Variants in MAP7D2 observed in about 807,000 individuals in gnomAD.
The protein encoded by MAP7D2 is MAP7 domain containing 2, also known as MAP7 domain-containing protein 2.
Under a neutral mutation model 63.5 loss-of-function variants are expected in MAP7D2, and 33 were observed. That is an observed-to-expected ratio of 0.52 (90% CI 0.39 to 0.70). The LOEUF (loss-of-function observed/expected upper bound fraction) is 0.70. Ranked by LOEUF, MAP7D2 falls within the 30% of genes least tolerant of loss-of-function variation. The pLI, the probability that MAP7D2 is intolerant of heterozygous loss-of-function variation, is 0.00. For synonymous variants in MAP7D2, 224 were observed against 223.7 expected (o/e 1.00, Z -0.01); for missense variants, 626 against 604.0 (o/e 1.04, Z -0.38).
At chrX:20,064,937 A>T (rs2065313757) in intron 1 of MAP7D2, 132 bp from the exon 2 acceptor site, 2 of 508,918 alleles carry the variant, frequency 3.9e-6, no homozygotes, top group African/African-American at 4.7e-5. Flanking sequence ...ACTTCAACCA[A>T]AGGAAGTCCA....
At chrX:20,111,175 G>C (rs1174385437) in intron 1 of MAP7D2, among the ~76,000 whole-genome samples, 1 of 111,365 alleles carries the variant, frequency 9.0e-6, no homozygotes, top group African/African-American at 3.3e-5. Context: ...CCAGCATGAG[G>C]GACTCCAGGT....
intron 1 of MAP7D2, 185 bp downstream of exon 1, chrX:20,116,563 GCA>G (rs2066899884): frequency 4.6e-5 from 43 of 938,796 alleles, no homozygotes; most frequent in Non-Finnish European, 5.6e-5. Flanking sequence ...CCCGCCACTC[GCA>G]CAGAGAGGGG....
At position 20,105,512 on chromosome X, in the gene MAP7D2, T is replaced by C. The variant is rs142348882; in HGVS notation, c.130+11238A>G. The stretch of plus-strand genomic sequence containing the variant: ...CTCTTTCACATCAAACCTAGAAAGA[T>C]GGAGGCAGAACCAGCCCAGATACAC... On this transcript the variant is annotated intron_variant, in intron 1 of 16. Coordinates refer to ENST00000379643, the MANE Select transcript of MAP7D2 (RefSeq NM_001168465.2). 4.8e-3 allele frequency among the ~76,000 whole-genome samples: 539 copies of C among 111,968 alleles called. 3 individuals carry two copies. The highest frequency in any genetic ancestry group is 0.017 in the African/African-American group (526 of 30,827).
At chrX:20,060,334 T>C (rs774555531) in intron 3 of MAP7D2, among the ~76,000 whole-genome samples, 38 of 108,823 alleles carry the variant, frequency 3.5e-4, no homozygotes, top group African/African-American at 4.7e-4. Flanking sequence ...ACATGTGTTC[T>C]GGGGATGACA....
At chrX:20,066,061 T>C (rs1275610188) in intron 1 of MAP7D2, among the ~76,000 whole-genome samples, 4 of 110,266 alleles carry the variant, frequency 3.6e-5, no homozygotes, top group Non-Finnish European at 7.6e-5. Flanking sequence ...TAGCTGGGAC[T>C]ACAGGCGCCC....
Position 20,051,569 on chromosome X carries a change from A to C in MAP7D2, c.596-623T>G, listed in dbSNP as rs754698358. Reference sequence around the variant, plus strand: ...TCAAAAAAAAAACAAACAAAAAAAAAACAAAAAAAACAACAACAAAAAAAC... The same window carrying C: ...TCAAAAAAAAAACAAACAAAAAAAACACAAAAAAAACAACAACAAAAAAAC... On this transcript the variant is annotated intron_variant, in intron 5 of 16. Transcript: ENST00000379643. 3.7e-3 allele frequency among the ~76,000 whole-genome samples: 413 copies of C among 110,528 alleles called. 1 individual carries two copies. The highest frequency in any genetic ancestry group is 0.013 in the African/African-American group (381 of 30,443).
chrX:20,108,368 G>T (rs1165462648), intron 1 of MAP7D2, among the ~76,000 whole-genome samples: 1 of 109,608 alleles, frequency 9.1e-6, no homozygotes, highest in African/African-American at 3.3e-5. Context: ...CCGAGTAACT[G>T]GGACTACAGG....
intron 1 of MAP7D2, among the ~76,000 whole-genome samples, chrX:20,077,829 T>C (rs189987006): frequency 8.9e-6 from 1 of 112,058 alleles, no homozygotes; most frequent in Admixed American, 9.5e-5. Context: ...ACTAGAAACA[T>C]GTATATGTCC....
chrX:20,102,938 T>C (rs1453453933), intron 1 of MAP7D2, among the ~76,000 whole-genome samples: 1 of 111,507 alleles, frequency 9.0e-6, no homozygotes, highest in Non-Finnish European at 1.9e-5. Context: ...AATCTCATTG[T>C]ACAGACAAGC....
In MAP7D2 at chrX:20,011,045, A is replaced by C. The variant is rs148200227; in HGVS notation, c.2080T>G (p.Ser694Ala). Residue 694 changes from serine (S) to alanine (A), a missense_variant, in exon 16 of 17, where the codon TCA becomes GCA. Physicochemically the swap from Ser to Ala is moderately conservative, Grantham distance 99. Coordinates refer to ENST00000379643, the MANE Select transcript of MAP7D2 (RefSeq NM_001168465.2). ...EVQSMDVSPVSKEELISIPEF... is the reference protein window; with the variant it reads ...EVQSMDVSPVAKEELISIPEF... ...GGGATAGAGATAAGCTCTTCTTTTG[A>C]AACAGGACTAGAAGAGATGAACGAG... The C allele has an allele frequency of 1.5e-5, 18 of 1,208,044 alleles. No individual in the cohort carries two copies. The African/African-American group carries it at 2.8e-4, about 19-fold the overall frequency.
At chrX:20,096,193 T>A (rs1251846078) in intron 1 of MAP7D2, among the ~76,000 whole-genome samples, 1 of 104,121 alleles carries the variant, frequency 9.6e-6, no homozygotes, top group Non-Finnish European at 2.0e-5. Flanking sequence ...TTTGGGAGGC[T>A]AAGACAAGAG....
intron 1 of MAP7D2, among the ~76,000 whole-genome samples, chrX:20,110,216 G>A (rs2066701853): frequency 9.2e-6 from 1 of 108,514 alleles, no homozygotes; most frequent in African/African-American, 3.4e-5. Flanking sequence ...GGAGGGGCAC[G>A]GTGGTTCACG....
intron 6 of MAP7D2, among the ~76,000 whole-genome samples, chrX:20,049,478 G>T (rs1170011574): frequency 9.1e-6 from 1 of 109,754 alleles, no homozygotes; most frequent in Non-Finnish European, 1.9e-5. Flanking sequence ...CACTATGTTG[G>T]CCATGCTGGT....
intron 6 of MAP7D2, 28 bp downstream of exon 6, chrX:20,050,796 T>C: frequency 8.7e-7 from 1 of 1,150,756 alleles, no homozygotes; most frequent in Non-Finnish European, 1.2e-6. Flanking sequence ...GGCATTTTCC[T>C]TGGTGTTACC....
chrX:20,074,214 G>A (rs1025796828), intron 1 of MAP7D2, among the ~76,000 whole-genome samples: 3 of 110,506 alleles, frequency 2.7e-5, no homozygotes, highest in Non-Finnish European at 5.7e-5. Flanking sequence ...TTAAGTGGGA[G>A]GAGTCTAATT....
chrX:20,020,496 C>T (rs1603352906), intron 10 of MAP7D2, among the ~76,000 whole-genome samples: 1 of 111,984 alleles, frequency 8.9e-6, no homozygotes, highest in Non-Finnish European at 1.9e-5. Context: ...CCAAGACCAA[C>T]AGCCTTCGTC....
rs1428284048 is a variant in MAP7D2 at position 20,116,792 on chromosome X, G to A, written c.88C>T (p.Pro30Ser). ...GGCTGAGAGGTCCGCACCGCGCCCG[G>A]TTCTGCGATCTTCCCTGGGAGAGAG... ...GTSLPGKIAE[P>S]GAVRTSQPNY... is the part of the protein sequence containing the mutation. The change falls in exon 1 of 17, where the codon CCG becomes TCG. Residue 30 changes from proline to serine, a missense_variant. Coordinates refer to ENST00000379643, the MANE Select transcript of MAP7D2 (RefSeq NM_001168465.2). 3 of 1,192,619 alleles carry A rather than the reference G, an allele frequency of 2.5e-6. No individual in the cohort carries two copies. Among genetic ancestry groups the A allele is most frequent in the East Asian group, 6.3e-5 (2 of 31,613 alleles).
At chrX:20,030,857 A>G (rs1003135830) in intron 8 of MAP7D2, among the ~76,000 whole-genome samples, 22 of 112,137 alleles carry the variant, frequency 2.0e-4, no homozygotes, top group Non-Finnish European at 4.1e-4. Flanking sequence ...TAGCCTCCTG[A>G]TAAGAGGTAC....
chrX:20,048,376 G>A (rs927821060), intron 6 of MAP7D2, among the ~76,000 whole-genome samples: 3 of 110,829 alleles, frequency 2.7e-5, no homozygotes, highest in Admixed American at 1.9e-4. Context: ...GGTGAAAGGC[G>A]TCCTGAGTGA....
Sources: allele counts gnomAD v4.1 joint callset (sites outside exome capture counted in the v4.1 genomes callset), GRCh38; gene constraint gnomAD v4.1.1; transcripts MANE v1.5; gene names NCBI Gene and HGNC (gene_info 2026-07-23, HGNC 2026-07-21).